EIF2A: variants seen among roughly 807,000 people sequenced by gnomAD.
The protein encoded by EIF2A is eukaryotic translation initiation factor 2A.
In EIF2A, 62 loss-of-function variants were observed where a neutral mutation model predicts 75.2. The observed-to-expected ratio is 0.82, with a 90% CI of 0.67 to 1.02. The LOEUF (loss-of-function observed/expected upper bound fraction) is 1.02. Among genes scored for constraint, EIF2A ranks in the 50% least tolerant of loss-of-function variants. The pLI is 0.00. For missense variants in EIF2A, 611 were observed against 677.7 expected (o/e 0.90, Z 1.09); for synonymous variants, 207 against 239.0 (o/e 0.87, Z 1.23).
At chr3:150,555,900 ACTTG>A (rs1378625732) in intron 2 of EIF2A, among the ~76,000 whole-genome samples, 1 of 152,196 alleles carries the variant, frequency 6.6e-6, no homozygotes, top group African/African-American at 2.4e-5. Context: ...AATATAGCCA[ACTTG>A]CTTGGTCATG....
chr3:150,580,550 G>T (rs551054407), intron 11 of EIF2A, among the ~76,000 whole-genome samples: 28 of 152,238 alleles, frequency 1.8e-4, no homozygotes, highest in Non-Finnish European at 4.1e-4. Flanking sequence ...TGCAAAACTA[G>T]CACTAATCTC....
intron 10 of EIF2A, among the ~76,000 whole-genome samples, chr3:150,574,928 G>C (rs751463129): frequency 5.9e-5 from 9 of 152,192 alleles, no homozygotes; most frequent in African/African-American, 2.2e-4. Context: ...ATAGAGAGTT[G>C]TAGTGCCATC....
Position 150,572,061 on chromosome 3 carries a change from A to G in EIF2A, c.915A>G (p.Lys305=), listed in dbSNP as rs929840918. 7 of 1,613,900 alleles carry G rather than the reference A, an allele frequency of 4.3e-6. No individual in the cohort carries two copies. Among genetic ancestry groups the G allele is most frequent in the South Asian group, 3.3e-5 (3 of 91,086 alleles). Reference sequence around the variant, plus strand: ...CCAAAGCGACAATTTTCAACTTGAAATGTGATCCTGTATTTGACTTTGGAA... The same window carrying G: ...CCAAAGCGACAATTTTCAACTTGAAGTGTGATCCTGTATTTGACTTTGGAA... ...MPAKATIFNL[K]CDPVFDFGTG... The change falls in exon 10 of 14, where the codon AAA becomes AAG. Residue 305 remains lysine (K), a synonymous_variant. Transcript: ENST00000460851.
rs1559887273 is a variant in EIF2A at position 150,581,595 on chromosome 3, AT to A, written c.1498-20del. 2.6e-6 allele frequency: 4 copies of A among 1,546,472 alleles called. No homozygotes were observed. The East Asian group carries it at 7.3e-5, about 28-fold the overall frequency. On this transcript the variant is annotated intron_variant, in intron 11 of 13. Coordinates refer to ENST00000460851, the MANE Select transcript of EIF2A (RefSeq NM_032025.5). ...TAATGTTTTTGGCTTTTAAAATTGA[AT>A]TTAAAAAAATATTTCCTGCAGGAAG...
chr3:150,583,186 T>G lies in EIF2A; in HGVS notation c.1627-14T>G. ...TTTTCTTCCATGCTCTTGACTCATATTTGATGTTTGCAGAAACTGAAAGCA... is the reference window on the plus strand; with the variant it reads ...TTTTCTTCCATGCTCTTGACTCATAGTTGATGTTTGCAGAAACTGAAAGCA... On this transcript the variant is annotated splice_polypyrimidine_tract_variant and intron_variant, in intron 12 of 13. Transcript: ENST00000460851. The G allele has an allele frequency of 6.2e-7, 1 of 1,609,888 alleles. No homozygotes were observed. The highest frequency in any genetic ancestry group is 8.5e-7 in the Non-Finnish European group (1 of 1,178,724).
chr3:150,579,804 A>G (rs998089270), intron 11 of EIF2A, among the ~76,000 whole-genome samples: 3 of 152,074 alleles, frequency 2.0e-5, no homozygotes, highest in Non-Finnish European at 4.4e-5. Context: ...ACCCTATTCT[A>G]TGTTCCCTGA....
intron 6 of EIF2A, chr3:150,565,081 T>G (rs1461857865): frequency 2.4e-6 from 1 of 415,664 alleles, no homozygotes; most frequent in African/African-American, 2.1e-5. Flanking sequence ...CATAATTTAT[T>G]GTTTAAGAAA....
intron 6 of EIF2A, chr3:150,565,170 CTGTCCCCTATAAAT>C (rs1415861625): frequency 1.1e-5 from 5 of 456,532 alleles, no homozygotes; most frequent in Middle Eastern, 3.3e-4. Flanking sequence ...ACATGTTCAT[CTGTCCCCTATAAAT>C]TGCAAGTTGG....
In EIF2A at chr3:150,562,609, C is replaced by A; in HGVS notation, c.241C>A (p.Leu81Ile). Residue 81 changes from leucine to isoleucine, a missense_variant, in exon 4 of 14, where the codon CTT becomes ATT. Leu to Ile is a conservative substitution (Grantham distance 5). Coordinates refer to ENST00000460851, the MANE Select transcript of EIF2A (RefSeq NM_032025.5). Reference sequence around the variant, plus strand: ...CTTCGACCTCCTGAAGGCAGTTTGCCTTGAATTCTCACCCAAAAATACTGT... The same window carrying A: ...CTTCGACCTCCTGAAGGCAGTTTGCATTGAATTCTCACCCAAAAATACTGT... ...HSFDLLKAVC[L>I]EFSPKNTVLA... 1 of 1,613,526 alleles carries A rather than the reference C, an allele frequency of 6.2e-7. No individual in the cohort carries two copies. Among genetic ancestry groups the A allele is most frequent in the South Asian group, 1.1e-5 (1 of 91,040 alleles).
intron 10 of EIF2A, among the ~76,000 whole-genome samples, chr3:150,573,120 A>T (rs1724638370): frequency 6.6e-6 from 1 of 152,166 alleles, no homozygotes; most frequent in South Asian, 2.1e-4. Context: ...ACTCCAACCC[A>T]TCCTGCTTTC....
chr3:150,548,328 C>A (rs188165220), intron 1 of EIF2A, among the ~76,000 whole-genome samples: 308 of 152,346 alleles, frequency 2.0e-3, no homozygotes, highest in Middle Eastern at 6.8e-3. Flanking sequence ...GAGTCAGTCA[C>A]TTCCTGGGCT....
Position 150,584,014 on chromosome 3 carries a change from A to C in EIF2A, c.*103A>C. The C allele has an allele frequency of 9.5e-6, 10 of 1,053,994 alleles. No individual in the cohort carries two copies. The highest frequency in any genetic ancestry group is 1.7e-5 in the South Asian group (1 of 59,462). The allele number at this position is 1,053,994 out of a possible 1,614,324, so 65.3% of individuals were successfully genotyped here. A position where few individuals can be genotyped will look rare whatever the true frequency, so the allele number is the denominator to read the frequency against. ...TATTCCTGTGCCCACACTTAATGTCAATCTATAATTTTAACCATTTATCCA... is the reference window on the plus strand; with the variant it reads ...TATTCCTGTGCCCACACTTAATGTCCATCTATAATTTTAACCATTTATCCA... On this transcript the variant is annotated 3_prime_UTR_variant, in exon 14 of 14. Coordinates refer to ENST00000460851, the MANE Select transcript of EIF2A (RefSeq NM_032025.5).
chr3:150,582,024 G>A (rs1051991312), intron 12 of EIF2A, among the ~76,000 whole-genome samples: 11 of 150,948 alleles, frequency 7.3e-5, no homozygotes, highest in South Asian at 4.2e-4. Flanking sequence ...TTTTTGAGAC[G>A]GAGTCTTGCC....
chr3:150,552,274 C>A, intron 1 of EIF2A, 82 bp from the exon 2 acceptor site: 1 of 1,138,360 alleles, frequency 8.8e-7, no homozygotes. Context: ...TTGACTAAAG[C>A]TGCTTTTTTA....
chr3:150,563,812 ATG>A (rs893782176), intron 5 of EIF2A, among the ~76,000 whole-genome samples, 198 bp downstream of exon 5: 8 of 152,030 alleles, frequency 5.3e-5, no homozygotes. Flanking sequence ...GAAAGGAACA[ATG>A]TTTTCTTTTT....
chr3:150,575,154 T>G (rs958109460), intron 10 of EIF2A, among the ~76,000 whole-genome samples: 3 of 152,230 alleles, frequency 2.0e-5, no homozygotes, highest in Non-Finnish European at 4.4e-5. Context: ...AATTACTCCT[T>G]TCTATTTCAT....
chr3:150,583,030 A>C, intron 12 of EIF2A, 170 bp from the exon 13 acceptor site: 1 of 598,134 alleles, frequency 1.7e-6, no homozygotes, highest in Non-Finnish European at 2.9e-6. Context: ...AACATTTACA[A>C]TTTTGCATTT....
intron 4 of EIF2A, 109 bp from the exon 5 acceptor site, chr3:150,563,406 A>G (rs1054515093): frequency 2.1e-5 from 18 of 839,960 alleles, no homozygotes; most frequent in Admixed American, 3.2e-5. Context: ...GCAAGCTTTC[A>G]TGATTTAACC....
chr3:150,579,695 C>CT (rs1193266300), intron 11 of EIF2A, among the ~76,000 whole-genome samples: 1 of 131,744 alleles, frequency 7.6e-6, no homozygotes, highest in Non-Finnish European at 1.7e-5. Context: ...AGCCTAGACT[C>CT]TGTCTCCAAA....
Sources: allele counts gnomAD v4.1 joint callset (sites outside exome capture counted in the v4.1 genomes callset), GRCh38; gene constraint gnomAD v4.1.1; transcripts MANE v1.5; gene names NCBI Gene and HGNC (gene_info 2026-07-23, HGNC 2026-07-21).